The following NHS variants were observed in gnomAD, a reference collection of about 807,000 sequenced individuals.
The protein encoded by NHS is NHS actin remodeling regulator, also known as actin remodeling regulator NHS.
A neutral mutation model predicts 72.5 loss-of-function variants in NHS; 5 were observed. That is an observed-to-expected ratio of 0.07 (90% CI 0.04 to 0.14). The LOEUF (loss-of-function observed/expected upper bound fraction) is 0.14. NHS is among the 10% of genes least tolerant of loss of function. The pLI, the probability that NHS is intolerant of heterozygous loss-of-function variation, is 1.00. For missense variants in NHS, 1,072 were observed against 1,355.7 expected, an observed-to-expected ratio of 0.79 and a Z score of 3.29; for synonymous variants, 464 against 547.7, an observed-to-expected ratio of 0.85 and a Z score of 2.13.
chrX:17,376,025 G>A lies in NHS; in HGVS notation c.268G>A (p.Val90Met), dbSNP rs769349505. The A allele has an allele frequency of 2.8e-6, 3 of 1,083,076 alleles. No individual in the cohort carries two copies. Among genetic ancestry groups the A allele is most frequent in the South Asian group, 2.3e-5 (1 of 43,722 alleles). The allele number at this position is 1,083,076 out of a possible 1,213,427, so 89.3% of individuals were successfully genotyped here. The change falls in exon 1 of 9, where the codon GTG (valine) becomes ATG (methionine). Residue 90 changes from valine to methionine, a missense_variant. Val to Met is a conservative substitution (Grantham distance 21, BLOSUM62 1). Coordinates refer to ENST00000676302, the MANE Select transcript of NHS (RefSeq NM_001291867.2). ...QTQPPHGEAS[V>M]AGEESTAGIP... ...TCAGCCGCCGCACGGAGAGGCGTCC[G>A]TGGCTGGCGAGGAGAGCACGGCGGG... is the stretch of plus-strand genomic sequence containing the variant.
intron 3 of NHS, among the ~76,000 whole-genome samples, chrX:17,697,225 A>C (rs961521953): frequency 2.0e-4 from 22 of 111,259 alleles, no homozygotes; most frequent in Non-Finnish European, 2.5e-4. Flanking sequence ...AGGACCCTGC[A>C]AGACAAAATA....
chrX:17,434,236 C>T (rs1386493680), intron 1 of NHS, among the ~76,000 whole-genome samples: 4 of 111,420 alleles, frequency 3.6e-5, no homozygotes, highest in South Asian at 3.8e-4. Context: ...AGCAGTGTGT[C>T]CAGAGGAAAG....
At position 17,550,810 on chromosome X, in the gene NHS, G is replaced by A. The variant is rs188492959; in HGVS notation, c.566-136932G>A. On this transcript the variant is annotated intron_variant, in intron 1 of 8. Transcript: ENST00000676302. ...TGCTCAAAACCATTCAAAGGTTGCCGACTCACTCAGGGTATGAGCCAAAGT... is the reference window on the plus strand; with the variant it reads ...TGCTCAAAACCATTCAAAGGTTGCCAACTCACTCAGGGTATGAGCCAAAGT... 1.9e-3 allele frequency among the ~76,000 whole-genome samples: 217 copies of A among 111,724 alleles called. 2 individuals are homozygous for A. The highest frequency in any genetic ancestry group is 3.2e-3 in the Non-Finnish European group (170 of 53,097).
At chrX:17,702,862 TTA>T (rs1376781097) in intron 3 of NHS, among the ~76,000 whole-genome samples, 1 of 111,499 alleles carries the variant, frequency 9.0e-6, no homozygotes, top group Non-Finnish European at 1.9e-5. Flanking sequence ...AAATTTTACT[TTA>T]AAAGGAATCC....
intron 1 of NHS, among the ~76,000 whole-genome samples, chrX:17,440,617 T>G (rs1053304471): frequency 2.7e-5 from 3 of 111,701 alleles, no homozygotes; most frequent in Non-Finnish European, 5.6e-5. Flanking sequence ...AAGTAAACAT[T>G]ATGGGTTTTC....
chrX:17,483,383 C>T (rs747482993), intron 1 of NHS, among the ~76,000 whole-genome samples: 57 of 112,084 alleles, frequency 5.1e-4, no homozygotes, highest in African/African-American at 1.7e-3. Flanking sequence ...AGTACAGCAA[C>T]TTTAATGTGA....
rs1227184574 is a variant in NHS at position 17,682,335 on chromosome X, G to A, written c.566-5407G>A. Among the ~76,000 whole-genome samples, 3 of 111,568 alleles carry A rather than the reference G, an allele frequency of 2.7e-5. No homozygotes were observed. The East Asian group carries it at 8.5e-4, about 32-fold the overall frequency. On this transcript the variant is annotated intron_variant, in intron 1 of 8. Transcript: ENST00000676302. ...GAGAACAAACTGGCTATGTATCTGT[G>A]ACACTGACAATTTCAGGTGCTTATT...
chrX:17,604,134 A>T (rs138232840), intron 1 of NHS, among the ~76,000 whole-genome samples: 3,914 of 110,193 alleles, frequency 0.036, 140 homozygotes, highest in African/African-American at 0.092. Context: ...AATAAATTAC[A>T]TCTCCAGATA....
chrX:17,462,560 C>T (rs146557159), intron 1 of NHS, among the ~76,000 whole-genome samples: 100 of 111,778 alleles, frequency 8.9e-4, no homozygotes, highest in African/African-American at 3.0e-3. Context: ...ACTTTACATA[C>T]GTTATGGTAT....
chrX:17,712,385 CACACACACAT>C (rs1286016561), intron 3 of NHS, among the ~76,000 whole-genome samples: 12 of 90,505 alleles, frequency 1.3e-4, no homozygotes, highest in African/African-American at 5.7e-4. Context: ...CACACACACA[CACACACACAT>C]ATATATATAT....
chrX:17,507,562 C>T (rs1003519355), intron 1 of NHS, among the ~76,000 whole-genome samples: 1 of 112,049 alleles, frequency 8.9e-6, no homozygotes, highest in African/African-American at 3.2e-5. Flanking sequence ...TGCTTCTTGC[C>T]AGAAAAGGTT....
Position 17,732,531 on chromosome X carries a change from C to G in NHS, c.*67C>G. The stretch of plus-strand genomic sequence containing the variant: ...CTCACATGAGGATGGAGGAACAGAA[C>G]AGAGGACTTGGGAAAAGTCTCAACT... On this transcript the variant is annotated 3_prime_UTR_variant, in exon 9 of 9. Coordinates refer to ENST00000676302, the MANE Select transcript of NHS (RefSeq NM_001291867.2). The G allele has an allele frequency of 4.2e-6, 5 of 1,203,105 alleles. No individual in the cohort carries two copies. The South Asian group carries it at 7.1e-5, about 17-fold the overall frequency.
chrX:17,661,251 T>A (rs2065981463), intron 1 of NHS, among the ~76,000 whole-genome samples: 1 of 111,778 alleles, frequency 8.9e-6, no homozygotes. Context: ...GACAAGAATA[T>A]TTATTTTTTC....
At chrX:17,706,133 A>G (rs149047462) in intron 3 of NHS, among the ~76,000 whole-genome samples, 1,195 of 111,285 alleles carry the variant, frequency 0.011, 11 homozygotes, top group African/African-American at 0.037. Flanking sequence ...TCGAGGCTAC[A>G]GTGAGCCATG....
chrX:17,672,850 TCCA>T (rs1027248901), intron 1 of NHS, among the ~76,000 whole-genome samples: 2 of 112,055 alleles, frequency 1.8e-5, no homozygotes, highest in African/African-American at 6.5e-5. Context: ...GCATGTCATG[TCCA>T]CCATTCTATT....
At chrX:17,577,642 G>A (rs1310281472) in intron 1 of NHS, among the ~76,000 whole-genome samples, 2 of 111,237 alleles carry the variant, frequency 1.8e-5, no homozygotes, top group Non-Finnish European at 3.8e-5. Context: ...AATAGAAGGT[G>A]GCCAAAAAAA....
intron 1 of NHS, among the ~76,000 whole-genome samples, chrX:17,632,872 G>A (rs1262288584): frequency 9.8e-5 from 11 of 111,966 alleles, no homozygotes; most frequent in African/African-American, 2.9e-4. Context: ...AATGAGAAAT[G>A]CTATTCCTTA....
chrX:17,680,197 A>G (rs1270950708), intron 1 of NHS, among the ~76,000 whole-genome samples: 1 of 112,436 alleles, frequency 8.9e-6, no homozygotes, highest in Non-Finnish European at 1.9e-5. Flanking sequence ...AGACAACCTG[A>G]TAAATGTGAA....
intron 1 of NHS, among the ~76,000 whole-genome samples, chrX:17,612,340 C>T (rs1004609742): frequency 9.1e-5 from 10 of 110,300 alleles, no homozygotes; most frequent in African/African-American, 2.7e-4. Flanking sequence ...CTCTTTCCCC[C>T]GGTTCTGTCA....
Sources: gnomAD v4.1 joint callset for allele counts (sites outside exome capture counted in the v4.1 genomes callset) on GRCh38, gnomAD v4.1.1 for gene constraint, MANE v1.5 for transcripts, NCBI Gene and HGNC (gene_info 2026-07-23, HGNC 2026-07-21) for gene names.